The following PPP2R3B variants were observed in gnomAD, a reference collection of about 807,000 sequenced individuals.
PPP2R3B encodes the protein serine/threonine-protein phosphatase 2A regulatory subunit B'' subunit beta.
Under a neutral mutation model 72.9 loss-of-function variants are expected in PPP2R3B, and 68 were observed. The observed-to-expected ratio is 0.93, with a 90% CI of 0.77 to 1.14. The LOEUF (loss-of-function observed/expected upper bound fraction) is 1.14. PPP2R3B is among the 50% of genes most tolerant of loss of function. The pLI, the probability that PPP2R3B is intolerant of heterozygous loss-of-function variation, is 0.00. For synonymous variants in PPP2R3B, 466 were observed against 375.8 expected (o/e 1.24, Z -2.78); for missense variants, 1,018 against 842.0 (o/e 1.21, Z -2.59).
chrX:341,489 G>GCTC, intron 8 of PPP2R3B, 93 bp from the exon 9 acceptor site: 1 of 1,259,602 alleles, frequency 7.9e-7, no homozygotes, highest in South Asian at 1.2e-5. Flanking sequence ...GGTGAGGGGA[G>GCTC]CCCCCCGGGC....
chrX:380,693 G>A (rs1461944162), intron 1 of PPP2R3B, among the ~76,000 whole-genome samples: 4 of 149,354 alleles, frequency 2.7e-5, no homozygotes, highest in African/African-American at 9.9e-5. Context: ...GCTGAGGCAG[G>A]AGACTCACTT....
intron 12 of PPP2R3B, chrX:337,623 G>A (rs1287249962): frequency 6.6e-6 from 1 of 152,332 alleles, no homozygotes; most frequent in Non-Finnish European, 1.5e-5. Flanking sequence ...GACGGGCTGA[G>A]TCTAAGATTC....
In PPP2R3B at chrX:341,790, G is replaced by A. The variant is rs967481338; in HGVS notation, c.1085+93C>T. On this transcript the variant is annotated intron_variant, in intron 8 of 12. Transcript: ENST00000390665. ...TGGGGTGACAACCACTCGCTGTCGG[G>A]GCACAAAAAGCTCACGTCAGGCAAC... 10 of 1,369,286 alleles carry A rather than the reference G, an allele frequency of 7.3e-6. No homozygotes were observed. In the Admixed American group the frequency reaches 1.0e-4, roughly 14 times the overall value. 84.8% of individuals were successfully genotyped at this position (1,369,286 alleles called of 1,614,324 possible). A position where few individuals can be genotyped will look rare whatever the true frequency, so the allele number is the denominator to read the frequency against.
At position 339,275 on chromosome X, in the gene PPP2R3B, G is replaced by GGGC. The variant is rs1433526026; in HGVS notation, c.1352-380_1352-379insGCC. Reference sequence around the variant, plus strand: ...GCAGCAGGAGGCGCCCCATGGCCGGGGGGGGCAGGGCTGCAGGGCGGTGCC... The same window carrying GGGC: ...GCAGCAGGAGGCGCCCCATGGCCGGGGGCGGGGGCAGGGCTGCAGGGCGGTGCC... On this transcript the variant is annotated intron_variant, in intron 10 of 12. Transcript: ENST00000390665. Among the ~76,000 whole-genome samples, 13 of 150,216 alleles carry GGGC rather than the reference G, an allele frequency of 8.7e-5. 1 individual carries two copies. The highest frequency in any genetic ancestry group is 5.3e-4 in the Admixed American group (8 of 15,110).
intron 2 of PPP2R3B, among the ~76,000 whole-genome samples, chrX:359,313 C>T (rs904557899): frequency 2.6e-5 from 4 of 152,210 alleles, no homozygotes; most frequent in Non-Finnish European, 5.9e-5. Context: ...GGATAAAACG[C>T]GGAAGCTGAG....
At chrX:355,104 C>T (rs2071410697) in intron 2 of PPP2R3B, among the ~76,000 whole-genome samples, 1 of 147,892 alleles carries the variant, frequency 6.8e-6, no homozygotes, top group Non-Finnish European at 1.5e-5. Context: ...CCTGACCGTG[C>T]GTTAGAGACT....
intron 10 of PPP2R3B, among the ~76,000 whole-genome samples, chrX:340,252 G>A (rs2738370): frequency 0.72 from 66,724 of 92,366 alleles, 25,377 homozygotes; most frequent in Middle Eastern, 0.84. Context: ...CAGCACGAAC[G>A]TGGCAACTGC....
chrX:362,233 C>T (rs1302095517), intron 1 of PPP2R3B: 3 of 156,354 alleles, frequency 1.9e-5, no homozygotes, highest in Non-Finnish European at 2.8e-5. Context: ...CCCAGTATAT[C>T]TGCAGGCCCC....
intron 2 of PPP2R3B, among the ~76,000 whole-genome samples, chrX:360,077 C>A (rs1223837754): frequency 6.6e-6 from 1 of 152,160 alleles, no homozygotes; most frequent in African/African-American, 2.4e-5. Context: ...AAGAAAACTA[C>A]CAAGCACTGT....
At chrX:364,557 G>A (rs2071651175) in intron 1 of PPP2R3B, among the ~76,000 whole-genome samples, 1 of 150,088 alleles carries the variant, frequency 6.7e-6, no homozygotes, top group Non-Finnish European at 1.5e-5. Context: ...AACAAAAAGA[G>A]TATAAAAAAA....
chrX:382,954 T>TCC, intron 1 of PPP2R3B, among the ~76,000 whole-genome samples: 1 of 152,174 alleles, frequency 6.6e-6, no homozygotes, highest in Non-Finnish European at 1.5e-5. Flanking sequence ...GTCCTGGCCC[T>TCC]CCTCTCAACC....
intron 8 of PPP2R3B, 114 bp from the exon 9 acceptor site, chrX:341,510 T>A: frequency 9.2e-7 from 1 of 1,090,496 alleles, no homozygotes; most frequent in Non-Finnish European, 1.4e-6. Flanking sequence ...CCGGCCCTCC[T>A]CCTGCCCCCC....
chrX:370,355 G>C (rs753771583), intron 1 of PPP2R3B, among the ~76,000 whole-genome samples: 1 of 152,188 alleles, frequency 6.6e-6, no homozygotes, highest in Non-Finnish European at 1.5e-5. Flanking sequence ...GCTGAGAGAC[G>C]TCGGCTGGGG....
Position 382,933 on chromosome X carries a change from A to T in PPP2R3B, c.324+3435T>A, listed in dbSNP as rs748673442. 8.2e-4 allele frequency among the ~76,000 whole-genome samples: 125 copies of T among 152,174 alleles called. 1 individual carries two copies. Among genetic ancestry groups the T allele is most frequent in the African/African-American group, 3.0e-3 (124 of 41,518 alleles). Reference sequence around the variant, plus strand: ...GGAGGGGAACCATCATTACTAGCACATGCTTCTTGAGTCCTGGCCCTCCTC... The same window carrying T: ...GGAGGGGAACCATCATTACTAGCACTTGCTTCTTGAGTCCTGGCCCTCCTC... On this transcript the variant is annotated intron_variant, in intron 1 of 12. Coordinates refer to ENST00000390665, the MANE Select transcript of PPP2R3B (RefSeq NM_013239.5).
At chrX:371,332 C>T (rs775285835) in intron 1 of PPP2R3B, among the ~76,000 whole-genome samples, 13 of 152,312 alleles carry the variant, frequency 8.5e-5, no homozygotes, top group East Asian at 1.9e-4. Flanking sequence ...CCCGGACCCA[C>T]GGCGTGAACG....
At position 364,798 on chromosome X, in the gene PPP2R3B, G is replaced by A. The variant is rs1172810635; in HGVS notation, c.325-3208C>T. Among the ~76,000 whole-genome samples, 9 of 69,214 alleles carry A rather than the reference G, an allele frequency of 1.3e-4. 1 individual carries two copies. The highest frequency in any genetic ancestry group is 3.1e-4 in the Admixed American group (2 of 6,438). 45.4% of individuals were successfully genotyped at this position (69,214 alleles called of 152,430 possible). Reference sequence around the variant, plus strand: ...CTCGGGAGGCTGAGGCAGGAGAATCGCTTCAACACAGGAGGCGGAGGTTGC... The same window carrying A: ...CTCGGGAGGCTGAGGCAGGAGAATCACTTCAACACAGGAGGCGGAGGTTGC... On this transcript the variant is annotated intron_variant, in intron 1 of 12. Transcript: ENST00000390665.
intron 7 of PPP2R3B, 65 bp downstream of exon 7, chrX:345,451 C>A (rs746546491): frequency 3.7e-6 from 6 of 1,601,532 alleles, no homozygotes; most frequent in Non-Finnish European, 5.1e-6. Context: ...TGCAGACCCG[C>A]AGGCCCTGAG....
Position 345,617 on chromosome X carries a change from G to A in PPP2R3B, c.935C>T (p.Ser312Leu). The change falls in exon 7 of 13, where the codon TCG (serine) becomes TTG (leucine). Residue 312 changes from serine to leucine, a missense_variant. Transcript: ENST00000390665. ...ADINQLTEFF[S>L]YEHFYVIYCK... Reference sequence around the variant, plus strand: ...GTAGATGACGTAGAAATGCTCGTACGAGAAGAATTCGGTCAGCTGGTTGAT... The same window carrying A: ...GTAGATGACGTAGAAATGCTCGTACAAGAAGAATTCGGTCAGCTGGTTGAT... The A allele has an allele frequency of 6.2e-7, 1 of 1,613,224 alleles. No homozygotes were observed.
intron 9 of PPP2R3B, 27 bp downstream of exon 9, chrX:341,280 C>T (rs1204154182): frequency 1.2e-6 from 2 of 1,608,150 alleles, no homozygotes; most frequent in East Asian, 2.3e-5. Flanking sequence ...TCCACTGGGA[C>T]AAACGCATGC....
Sources: gnomAD v4.1 joint callset for allele counts (sites outside exome capture counted in the v4.1 genomes callset) on GRCh38, gnomAD v4.1.1 for gene constraint, MANE v1.5 for transcripts, NCBI Gene and HGNC (gene_info 2026-07-23, HGNC 2026-07-21) for gene names.